Variants in ARHGAP26 observed in about 807,000 individuals in gnomAD.
ARHGAP26 encodes the protein Rho GTPase activating protein 26, also known as rho GTPase-activating protein 26.
Under a neutral mutation model 104.8 loss-of-function variants are expected in ARHGAP26, and 38 were observed. That is an observed-to-expected ratio of 0.36 (90% CI 0.28 to 0.48). ARHGAP26 has a LOEUF of 0.48. ARHGAP26 is among the 20% of genes least tolerant of loss of function. The pLI, the probability that ARHGAP26 is intolerant of heterozygous loss-of-function variation, is 0.99. For synonymous variants in ARHGAP26, 341 were observed against 340.0 expected (o/e 1.00, Z -0.03); for missense variants, 704 against 947.9 (o/e 0.74, Z 3.38).
intron 1 of ARHGAP26, among the ~76,000 whole-genome samples, chr5:142,790,915 C>G (rs995879284): frequency 6.6e-6 from 1 of 152,088 alleles, no homozygotes; most frequent in Non-Finnish European, 1.5e-5. Flanking sequence ...CTTTATGGTA[C>G]TTCTCACCCT....
At chr5:143,035,956 AAAG>A (rs1280242618) in intron 12 of ARHGAP26, among the ~76,000 whole-genome samples, 10 of 151,014 alleles carry the variant, frequency 6.6e-5, no homozygotes, top group African/African-American at 1.5e-4. Flanking sequence ...AAAAAAAAAA[AAAG>A]AAGAACTTAC....
intron 1 of ARHGAP26, among the ~76,000 whole-genome samples, chr5:142,776,363 C>A (rs1032966406): frequency 1.3e-5 from 2 of 152,170 alleles, no homozygotes; most frequent in South Asian, 4.1e-4. Context: ...ATTTTTAGCA[C>A]CCCGAAAAGC....
At chr5:143,132,609 A>G (rs1044791137) in intron 18 of ARHGAP26, among the ~76,000 whole-genome samples, 1 of 152,148 alleles carries the variant, frequency 6.6e-6, no homozygotes, top group African/African-American at 2.4e-5. Context: ...AAAGAATATA[A>G]TTTCAATGAT....
chr5:142,882,752 C>T (rs1397807086), intron 4 of ARHGAP26, among the ~76,000 whole-genome samples: 1 of 152,104 alleles, frequency 6.6e-6, no homozygotes. Context: ...TTCATTTAAC[C>T]CTAGAAATCC....
chr5:143,036,176 ACTTGCTTTTCT>A (rs1782615946), intron 12 of ARHGAP26, among the ~76,000 whole-genome samples: 1 of 152,150 alleles, frequency 6.6e-6, no homozygotes, highest in African/African-American at 2.4e-5. Flanking sequence ...ATCTATAAAT[ACTTGCTTTTCT>A]ACTTTCTGCC....
At chr5:143,023,498 A>G (rs1333504298) in intron 12 of ARHGAP26, among the ~76,000 whole-genome samples, 1 of 152,224 alleles carries the variant, frequency 6.6e-6, no homozygotes, top group African/African-American at 2.4e-5. Flanking sequence ...GTCTCATGAA[A>G]GCAGCAGAGG....
intron 11 of ARHGAP26, among the ~76,000 whole-genome samples, chr5:143,001,710 T>C (rs186159217): frequency 6.6e-6 from 1 of 152,372 alleles, no homozygotes; most frequent in Non-Finnish European, 1.5e-5. Context: ...AATTCTAGAA[T>C]CTACAGTTCC....
intron 12 of ARHGAP26, among the ~76,000 whole-genome samples, chr5:143,019,428 C>T (rs945585128): frequency 2.6e-5 from 4 of 152,082 alleles, no homozygotes; most frequent in Admixed American, 6.6e-5. Flanking sequence ...CTGTATCTCT[C>T]GATGTCTTTT....
At chr5:143,094,877 G>A (rs956522228) in intron 17 of ARHGAP26, among the ~76,000 whole-genome samples, 12 of 152,032 alleles carry the variant, frequency 7.9e-5, no homozygotes, top group Admixed American at 3.3e-4. Flanking sequence ...GCAGGTAATC[G>A]GAATGAGTCA....
At chr5:142,869,276 G>A (rs955804485) in intron 1 of ARHGAP26, among the ~76,000 whole-genome samples, 3 of 148,708 alleles carry the variant, frequency 2.0e-5, no homozygotes, top group African/African-American at 7.5e-5. Context: ...GTGCAACCTC[G>A]GCTCACTGCA....
chr5:143,138,732 T>A (rs1798185402), intron 19 of ARHGAP26, among the ~76,000 whole-genome samples: 1 of 152,212 alleles, frequency 6.6e-6, no homozygotes, highest in Non-Finnish European at 1.5e-5. Flanking sequence ...TTAATATCTA[T>A]GACTATATAA....
chr5:143,159,828 C>G (rs1413843453), intron 20 of ARHGAP26, among the ~76,000 whole-genome samples: 1 of 152,050 alleles, frequency 6.6e-6, no homozygotes, highest in Admixed American at 6.5e-5. Flanking sequence ...GGGAATGAAT[C>G]TGTGTGGTTT....
chr5:142,876,666 G>A (rs1334083692), intron 3 of ARHGAP26, among the ~76,000 whole-genome samples: 1 of 149,326 alleles, frequency 6.7e-6, no homozygotes, highest in Non-Finnish European at 1.5e-5. Flanking sequence ...TGTAGTCCCA[G>A]CTACTTGGGA....
At chr5:142,799,697 A>G (rs1597671541) in intron 1 of ARHGAP26, among the ~76,000 whole-genome samples, 1 of 152,190 alleles carries the variant, frequency 6.6e-6, no homozygotes, top group Admixed American at 6.5e-5. Context: ...GTGTCATCCC[A>G]TGTTGGAAGG....
chr5:142,909,613 G>T (rs1341874826), intron 9 of ARHGAP26, among the ~76,000 whole-genome samples: 2 of 152,206 alleles, frequency 1.3e-5, no homozygotes, highest in Non-Finnish European at 2.9e-5. Flanking sequence ...CTTGGCAGGG[G>T]CAGGATTGAT....
intron 1 of ARHGAP26, among the ~76,000 whole-genome samples, chr5:142,837,779 C>T (rs1261729922): frequency 6.6e-6 from 1 of 152,176 alleles, no homozygotes. Context: ...TATTTATACT[C>T]CAGCTCATTC....
Position 143,115,190 on chromosome 5 carries a change from A to G in ARHGAP26, c.1539-5798A>G, listed in dbSNP as rs528506401. Among the ~76,000 whole-genome samples, 4 of 152,072 alleles carry G rather than the reference A, an allele frequency of 2.6e-5. No homozygotes were observed. In the South Asian group the frequency reaches 6.2e-4, roughly 24 times the overall value. On this transcript the variant is annotated intron_variant, in intron 17 of 22. Transcript: ENST00000645722. Reference sequence around the variant, plus strand: ...TCTGCTAAAAATACAAAAGTTAGCCAGGCATGGTGGTATGCACCTGTAATC... The same window carrying G: ...TCTGCTAAAAATACAAAAGTTAGCCGGGCATGGTGGTATGCACCTGTAATC...
chr5:143,025,459 C>T (rs1780910295), intron 12 of ARHGAP26, among the ~76,000 whole-genome samples: 1 of 152,218 alleles, frequency 6.6e-6, no homozygotes, highest in Non-Finnish European at 1.5e-5. Context: ...GAAACACTTC[C>T]ACCCTCAGAA....
intron 1 of ARHGAP26, among the ~76,000 whole-genome samples, chr5:142,846,909 A>G (rs1194511162): frequency 6.6e-6 from 1 of 152,064 alleles, no homozygotes; most frequent in African/African-American, 2.4e-5. Context: ...ATCCAGAACC[A>G]CTCGGTGTGC....
Sources: gnomAD v4.1 joint callset for allele counts (sites outside exome capture counted in the v4.1 genomes callset) on GRCh38, gnomAD v4.1.1 for gene constraint, MANE v1.5 for transcripts, NCBI Gene and HGNC (gene_info 2026-07-23, HGNC 2026-07-21) for gene names.